The following EFCAB8 variants were observed in gnomAD, a reference collection of about 807,000 sequenced individuals.
EFCAB8 encodes EF-hand calcium binding domain 8.
In EFCAB8, 100 loss-of-function variants were observed where a neutral mutation model predicts 116.3. The observed-to-expected ratio is 0.86, with a 90% CI of 0.73 to 1.02. EFCAB8 has a LOEUF of 1.02. EFCAB8 is among the 50% of genes least tolerant of loss of function. The probability of loss-of-function intolerance (pLI) is 0.00; values close to 1 mark genes in which losing one functional copy is unlikely to be tolerated. For synonymous variants in EFCAB8, 558 were observed against 567.9 expected (o/e 0.98, Z 0.25); for missense variants, 1,320 against 1,416.9 (o/e 0.93, Z 1.10).
chr20:32,923,330 C>CA (rs1377346662), intron 20 of EFCAB8, among the ~76,000 whole-genome samples: 1 of 152,040 alleles, frequency 6.6e-6, no homozygotes. Flanking sequence ...TACTAAAATA[C>CA]AAAAAATTAG....
intron 11 of EFCAB8, among the ~76,000 whole-genome samples, chr20:32,900,108 T>C (rs562832312): frequency 6.6e-4 from 101 of 152,192 alleles, no homozygotes; most frequent in African/African-American, 1.8e-3. Flanking sequence ...AAGGCCTGTA[T>C]TGGGGAGAGA....
Position 32,918,572 on chromosome 20 carries a change from C to T in EFCAB8, c.2272C>T (p.Gln758Ter), listed in dbSNP as rs1469163488. 1 of 1,551,428 alleles carries T rather than the reference C, an allele frequency of 6.4e-7. No individual in the cohort carries two copies. Among genetic ancestry groups the T allele is most frequent in the African/African-American group, 1.4e-5 (1 of 73,174 alleles). Residue 758 changes from glutamine to a stop codon, truncating the protein, a stop_gained and splice_region_variant, in exon 19 of 27, where the codon CAG (glutamine) becomes TAG (stop). Transcript: ENST00000400522. LOFTEE classifies it high-confidence loss of function. The part of the protein sequence containing the change: ...DKEPDRPVPQ[Q>*]KPSSASGTSR... Reference sequence around the variant, plus strand: ...GGAGCCAGACAGGCCTGTGCCCCAGCAGGTGGGAGCGAGAGCCCAACCAGA... The same window carrying T: ...GGAGCCAGACAGGCCTGTGCCCCAGTAGGTGGGAGCGAGAGCCCAACCAGA...
chr20:32,876,741 T>G (rs1600372187), intron 4 of EFCAB8, among the ~76,000 whole-genome samples: 1 of 151,244 alleles, frequency 6.6e-6, no homozygotes, highest in South Asian at 2.1e-4. Flanking sequence ...CCAAGGGGGG[T>G]GGATCGCTTG....
At chr20:32,930,154 G>T (rs77299349) in intron 20 of EFCAB8, among the ~76,000 whole-genome samples, 3,676 of 152,278 alleles carry the variant, frequency 0.024, 102 homozygotes, top group African/African-American at 0.063. Context: ...AGGCACCATT[G>T]TGGTTACTAA....
Position 32,875,120 on chromosome 20 carries a change from G to A in EFCAB8, c.209-806G>A, listed in dbSNP as rs186928740. On this transcript the variant is annotated intron_variant, in intron 3 of 26. Coordinates refer to ENST00000400522, the MANE Select transcript of EFCAB8 (RefSeq NM_001143967.2). ...CTTTGTTAATTGTATGGAAATGGGA[G>A]TTGGTCTTTTTTAGTGCCTCCCCTC... Among the ~76,000 whole-genome samples, 518 of 152,312 alleles carry A rather than the reference G, an allele frequency of 3.4e-3. 9 individuals are homozygous for A. The highest frequency in any genetic ancestry group is 0.012 in the African/African-American group (486 of 41,562).
intron 14 of EFCAB8, 126 bp downstream of exon 14, chr20:32,908,538 CTG>C (rs2146239966): frequency 9.5e-7 from 1 of 1,052,956 alleles, no homozygotes; most frequent in South Asian, 5.0e-5. Flanking sequence ...CGGCTAGACT[CTG>C]TGGCCTGGCC....
chr20:32,882,066 C>CTAAAAATT (rs1473663393), intron 5 of EFCAB8, among the ~76,000 whole-genome samples: 1 of 152,134 alleles, frequency 6.6e-6, no homozygotes, highest in Admixed American at 6.6e-5. Context: ...GATGTGGTGG[C>CTAAAAATT]AGGCACCTGT....
At chr20:32,938,468 A>T (rs906607410) in intron 22 of EFCAB8, among the ~76,000 whole-genome samples, 1 of 149,994 alleles carries the variant, frequency 6.7e-6, no homozygotes, top group Non-Finnish European at 1.5e-5. Context: ...AGAAAATGAA[A>T]TAAAAAGTAT....
rs1284180134 is a variant in EFCAB8, at chr20:32,930,490, T to C, written c.2505T>C (p.His835=). The change falls in exon 21 of 27, where the codon CAT becomes CAC. Residue 835 remains histidine, a synonymous_variant. Coordinates refer to ENST00000400522, the MANE Select transcript of EFCAB8 (RefSeq NM_001143967.2). ...MDGYIYAWSL[H]ENGGLLGKFP... Reference sequence around the variant, plus strand: ...GCTACATCTACGCCTGGTCCCTCCATGAGAATGGAGGCCTGCTGGGGAAGT... The same window carrying C: ...GCTACATCTACGCCTGGTCCCTCCACGAGAATGGAGGCCTGCTGGGGAAGT... 3 of 1,551,198 alleles carry C rather than the reference T, an allele frequency of 1.9e-6. No homozygotes were observed. The highest frequency in any genetic ancestry group is 2.6e-6 in the Non-Finnish European group (3 of 1,146,338).
intron 22 of EFCAB8, 103 bp downstream of exon 22, chr20:32,931,439 A>C: frequency 7.4e-7 from 1 of 1,344,980 alleles, no homozygotes; most frequent in Non-Finnish European, 9.8e-7. Context: ...CACTTACTAA[A>C]AGATAAGAGC....
chr20:32,958,641 G>A (rs537453091), intron 24 of EFCAB8, 91 bp downstream of exon 24: 3 of 405,054 alleles, frequency 7.4e-6, no homozygotes, highest in South Asian at 1.4e-4. Flanking sequence ...TACCTGGGTT[G>A]GGTAGAGCTA....
intron 10 of EFCAB8, among the ~76,000 whole-genome samples, chr20:32,896,730 A>G (rs1319863814): frequency 6.6e-6 from 1 of 152,000 alleles, no homozygotes; most frequent in Non-Finnish European, 1.5e-5. Flanking sequence ...CCCTCTCACT[A>G]CCGCCATTGC....
chr20:32,896,597 G>A lies in EFCAB8; in HGVS notation c.957+70G>A, dbSNP rs543242706. ...TACACACACACCACTCAAAATAAAT[G>A]CAAAAAGTGGATTTACTCCCTGGGT... is the stretch of plus-strand genomic sequence containing the variant. On this transcript the variant is annotated intron_variant, in intron 10 of 26. Coordinates refer to ENST00000400522, the MANE Select transcript of EFCAB8 (RefSeq NM_001143967.2). The A allele has an allele frequency of 2.1e-4, 145 of 701,542 alleles. No individual in the cohort carries two copies. In the East Asian group the frequency reaches 3.4e-3, roughly 16 times the overall value. 43.5% of individuals were successfully genotyped at this position (701,542 alleles called of 1,614,324 possible). A position where few individuals can be genotyped will look rare whatever the true frequency, so the allele number is the denominator to read the frequency against.
intron 20 of EFCAB8, among the ~76,000 whole-genome samples, 168 bp from the exon 21 acceptor site, chr20:32,930,230 C>T (rs563584662): frequency 6.6e-6 from 1 of 152,316 alleles, no homozygotes; most frequent in East Asian, 1.9e-4. Flanking sequence ...TCGAGTATGA[C>T]GTTCCTTGTC....
At chr20:32,872,766 C>T (rs1333627849) in intron 3 of EFCAB8, among the ~76,000 whole-genome samples, 1 of 151,676 alleles carries the variant, frequency 6.6e-6, no homozygotes, top group South Asian at 2.1e-4. Context: ...CACACTCCAG[C>T]CTGGGCAACA....
At chr20:32,959,238 A>C (rs953227026) in intron 24 of EFCAB8, among the ~76,000 whole-genome samples, 2 of 152,232 alleles carry the variant, frequency 1.3e-5, no homozygotes, top group African/African-American at 4.8e-5. Context: ...TGTGATAAGT[A>C]ATGAGAGTAT....
In EFCAB8 at chr20:32,900,683, C is replaced by T. The variant is rs1013896111; in HGVS notation, c.1088+2060C>T. Among the ~76,000 whole-genome samples the T allele has an allele frequency of 3.9e-5, 6 of 152,218 alleles. No individual in the cohort carries two copies. The East Asian group carries it at 1.2e-3, about 29-fold the overall frequency. On this transcript the variant is annotated intron_variant, in intron 11 of 26. Transcript: ENST00000400522. ...TCGGGTTCAAGCAGTTCCCCTGCCT[C>T]AGCCTCCCAGGTAGTTGGGACTACA...
chr20:32,905,720 A>G (rs1225883219), intron 11 of EFCAB8, among the ~76,000 whole-genome samples: 1 of 132,432 alleles, frequency 7.6e-6, no homozygotes, highest in Non-Finnish European at 1.6e-5. Flanking sequence ...AGATCGCACC[A>G]CTGCACTCCA....
intron 3 of EFCAB8, among the ~76,000 whole-genome samples, chr20:32,875,502 G>T (rs1179070101): frequency 3.3e-4 from 30 of 89,886 alleles, no homozygotes; most frequent in Non-Finnish European, 3.4e-4. Context: ...AAACATGGTG[G>T]TTTTTTTTTT....
Sources: gnomAD v4.1 joint callset for allele counts (sites outside exome capture counted in the v4.1 genomes callset) on GRCh38, gnomAD v4.1.1 for gene constraint, MANE v1.5 for transcripts, NCBI Gene and HGNC (gene_info 2026-07-23, HGNC 2026-07-21) for gene names.